DCC: variants seen among roughly 807,000 people sequenced by gnomAD.
DCC encodes netrin receptor DCC.
In DCC, 58 loss-of-function variants were observed where a neutral mutation model predicts 172.5. The observed-to-expected ratio is 0.34, with a 90% CI of 0.27 to 0.42. The LOEUF (loss-of-function observed/expected upper bound fraction) is 0.42, where lower values mean the gene tolerates loss of function less well. DCC is among the 10% of genes least tolerant of loss of function. The probability of loss-of-function intolerance (pLI) is 1.00; values close to 1 mark genes in which losing one functional copy is unlikely to be tolerated. For synonymous variants in DCC, 709 were observed against 644.5 expected (o/e 1.10, Z -1.52); for missense variants, 1,740 against 1,791.0 (o/e 0.97, Z 0.51).
At chr18:52,836,630 C>G (rs1049248582) in intron 2 of DCC, among the ~76,000 whole-genome samples, 4 of 152,216 alleles carry the variant, frequency 2.6e-5, no homozygotes, top group Admixed American at 2.0e-4. Context: ...CTTGCTGATG[C>G]AAGAGGTGGG....
At chr18:52,983,383 T>G (rs762436258) in intron 5 of DCC, among the ~76,000 whole-genome samples, 2 of 152,174 alleles carry the variant, frequency 1.3e-5, no homozygotes, top group African/African-American at 2.4e-5. Flanking sequence ...TTTGCAAACT[T>G]TACTTCAATT....
intron 5 of DCC, among the ~76,000 whole-genome samples, chr18:52,983,842 G>A (rs569087128): frequency 2.2e-4 from 34 of 152,218 alleles, no homozygotes; most frequent in Non-Finnish European, 4.3e-4. Context: ...CACATTACAA[G>A]GAAGAATAAA....
At chr18:53,510,569 C>T (rs2046238629) in intron 27 of DCC, among the ~76,000 whole-genome samples, 1 of 152,102 alleles carries the variant, frequency 6.6e-6, no homozygotes, top group Non-Finnish European at 1.5e-5. Context: ...AGTGCAAAAA[C>T]AAGAAAGATA....
intron 12 of DCC, among the ~76,000 whole-genome samples, chr18:53,236,834 C>T (rs1189114105): frequency 6.6e-6 from 1 of 152,004 alleles, no homozygotes; most frequent in South Asian, 2.1e-4. Context: ...TCTCTTTCCT[C>T]ATTGAATTAT....
intron 5 of DCC, among the ~76,000 whole-genome samples, chr18:52,982,888 C>T (rs544347097): frequency 1.3e-5 from 2 of 152,300 alleles, no homozygotes; most frequent in Admixed American, 1.3e-4. Flanking sequence ...TCTCCAATGA[C>T]ACATCCAACT....
intron 12 of DCC, among the ~76,000 whole-genome samples, chr18:53,225,526 G>A (rs1413575702): frequency 6.6e-6 from 1 of 152,114 alleles, no homozygotes; most frequent in African/African-American, 2.4e-5. Flanking sequence ...TTGAGCAAAG[G>A]CAGAGAGAAC....
chr18:53,087,780 T>A (rs2042937122), intron 7 of DCC, among the ~76,000 whole-genome samples: 1 of 152,226 alleles, frequency 6.6e-6, no homozygotes, highest in Non-Finnish European at 1.5e-5. Flanking sequence ...AATTTTTATA[T>A]AAGGTGTAAG....
intron 1 of DCC, among the ~76,000 whole-genome samples, chr18:52,669,397 CAAG>C (rs1418658699): frequency 1.3e-5 from 2 of 152,234 alleles, no homozygotes; most frequent in South Asian, 2.1e-4. Context: ...AGTCCTCAGG[CAAG>C]AAGGAGATTT....
intron 1 of DCC, among the ~76,000 whole-genome samples, chr18:52,494,127 T>A (rs1204684036): frequency 6.6e-6 from 1 of 152,146 alleles, no homozygotes; most frequent in Non-Finnish European, 1.5e-5. Flanking sequence ...GAATTTATTT[T>A]CTTTGATTTT....
chr18:53,192,225 T>C (rs1360052962), intron 9 of DCC, among the ~76,000 whole-genome samples: 2 of 152,186 alleles, frequency 1.3e-5, no homozygotes, highest in East Asian at 3.8e-4. Context: ...GTGATAAATG[T>C]CAGCGAAATC....
chr18:53,158,988 CA>C (rs558049091), intron 8 of DCC, among the ~76,000 whole-genome samples: 168 of 52,352 alleles, frequency 3.2e-3, no homozygotes, highest in Middle Eastern at 0.011. Flanking sequence ...GACGCCATCT[CA>C]AAAAAAAAAA....
intron 19 of DCC, among the ~76,000 whole-genome samples, chr18:53,406,491 G>A (rs148138361): frequency 2.1e-3 from 320 of 151,962 alleles, no homozygotes; most frequent in African/African-American, 7.5e-3. Flanking sequence ...GATCACCTGA[G>A]GTCATGAGTT....
At chr18:52,529,108 C>T (rs2032070703) in intron 1 of DCC, among the ~76,000 whole-genome samples, 1 of 152,080 alleles carries the variant, frequency 6.6e-6, no homozygotes, top group Non-Finnish European at 1.5e-5. Flanking sequence ...CATCTTTGTA[C>T]CTAGTTTTCT....
At chr18:53,068,418 C>A in intron 7 of DCC, among the ~76,000 whole-genome samples, 1 of 113,708 alleles carries the variant, frequency 8.8e-6, no homozygotes, top group Admixed American at 1.1e-4. Context: ...CTCCCTCCCC[C>A]CACCCCACAA....
intron 2 of DCC, among the ~76,000 whole-genome samples, chr18:52,830,657 T>C (rs902667365): frequency 7.2e-5 from 11 of 152,206 alleles, no homozygotes; most frequent in African/African-American, 2.2e-4. Context: ...ATATAATTGT[T>C]GACTGGTACA....
At chr18:53,006,158 A>T (rs2041642518) in intron 5 of DCC, among the ~76,000 whole-genome samples, 1 of 152,222 alleles carries the variant, frequency 6.6e-6, no homozygotes, top group African/African-American at 2.4e-5. Context: ...CATAAAAATA[A>T]TTTTGCTGAC....
chr18:52,525,797 G>A (rs11082929), intron 1 of DCC, among the ~76,000 whole-genome samples: 87,836 of 151,950 alleles, frequency 0.58, 25,766 homozygotes, highest in South Asian at 0.69. Flanking sequence ...GAAAGACAAA[G>A]TAATTTAAGA....
At chr18:52,800,734 G>A (rs1041211986) in intron 2 of DCC, among the ~76,000 whole-genome samples, 1 of 152,198 alleles carries the variant, frequency 6.6e-6, no homozygotes, top group African/African-American at 2.4e-5. Flanking sequence ...TGGTTCCTGA[G>A]AGGCTGCAGA....
At chr18:53,212,773 T>G (rs1455565215) in intron 11 of DCC, among the ~76,000 whole-genome samples, 1 of 151,896 alleles carries the variant, frequency 6.6e-6, no homozygotes, top group African/African-American at 2.4e-5. Context: ...CAGGTTCAAG[T>G]GATTCTCCTG....
Sources: gnomAD v4.1 joint callset for allele counts (sites outside exome capture counted in the v4.1 genomes callset) on GRCh38, gnomAD v4.1.1 for gene constraint, MANE v1.5 for transcripts, NCBI Gene and HGNC (gene_info 2026-07-23, HGNC 2026-07-21) for gene names.